TANC2: variants seen among roughly 807,000 people sequenced by gnomAD.
TANC2 encodes the protein protein TANC2.
In TANC2, 26 loss-of-function variants were observed where a neutral mutation model predicts 210.5. That is an observed-to-expected ratio of 0.12 (90% CI 0.09 to 0.17). The LOEUF (loss-of-function observed/expected upper bound fraction) is 0.17, where lower values mean the gene tolerates loss of function less well. TANC2 is among the 10% of genes least tolerant of loss of function. The probability of loss-of-function intolerance (pLI) is 1.00; values close to 1 mark genes in which losing one functional copy is unlikely to be tolerated. For synonymous variants in TANC2, 931 were observed against 967.1 expected (o/e 0.96, Z 0.69); for missense variants, 2,129 against 2,608.9 (o/e 0.82, Z 4.01).
chr17:63,002,820 C>A (rs1428665753), intron 1 of TANC2, among the ~76,000 whole-genome samples: 2 of 152,162 alleles, frequency 1.3e-5, no homozygotes, highest in African/African-American at 4.8e-5. Context: ...ATGAGTAGTT[C>A]ATTCCTTTTT....
intron 1 of TANC2, among the ~76,000 whole-genome samples, chr17:62,985,695 C>A (rs893467386): frequency 1.3e-5 from 2 of 151,994 alleles, no homozygotes; most frequent in Non-Finnish European, 2.9e-5. Context: ...AATTCTTCAT[C>A]CATAGAATTT....
intron 12 of TANC2, among the ~76,000 whole-genome samples, chr17:63,347,647 T>C (rs756204745): frequency 6.6e-6 from 1 of 152,170 alleles, no homozygotes; most frequent in Non-Finnish European, 1.5e-5. Flanking sequence ...GTTCCACAAG[T>C]ACAGTGATTA....
intron 11 of TANC2, among the ~76,000 whole-genome samples, chr17:63,337,762 T>TC (rs1202570584): frequency 5.9e-5 from 9 of 152,170 alleles, no homozygotes; most frequent in African/African-American, 1.9e-4. Context: ...ACTGATCCTC[T>TC]CCCTCCTCCC....
intron 5 of TANC2, among the ~76,000 whole-genome samples, chr17:63,184,024 A>C (rs2040887113): frequency 6.6e-6 from 1 of 152,228 alleles, no homozygotes; most frequent in African/African-American, 2.4e-5. Context: ...CAAAAAAAAA[A>C]AAAGAAATGC....
chr17:63,144,344 A>T (rs2039393677), intron 4 of TANC2, among the ~76,000 whole-genome samples: 1 of 152,164 alleles, frequency 6.6e-6, no homozygotes, highest in Non-Finnish European at 1.5e-5. Flanking sequence ...CCACATACTA[A>T]TTGATATTTG....
At chr17:63,255,103 ATT>A (rs869129866) in intron 8 of TANC2, among the ~76,000 whole-genome samples, 2 of 126,546 alleles carry the variant, frequency 1.6e-5, no homozygotes, top group Non-Finnish European at 3.4e-5. Flanking sequence ...TTATTTATTT[ATT>A]TTTATTTATT....
intron 5 of TANC2, among the ~76,000 whole-genome samples, chr17:63,158,127 G>T (rs796707437): frequency 1.6e-4 from 24 of 152,246 alleles, no homozygotes; most frequent in African/African-American, 5.5e-4. Flanking sequence ...TCATAGTGGT[G>T]TCTAGTTCAG....
At position 63,359,031 on chromosome 17, in the gene TANC2, A is replaced by ACT. The variant is rs143141506; in HGVS notation, c.2582+3642_2582+3643dup. ...GTAAGATTTTGCCAGAGATTAAAAG[A>ACT]CTACTGCGTTATTATGTGTGTATTT... On this transcript the variant is annotated intron_variant, in intron 14 of 27. Transcript: ENST00000689528. Among the ~76,000 whole-genome samples the ACT allele has an allele frequency of 8.1e-3, 1,226 of 150,924 alleles. 14 individuals carry two copies. The highest frequency in any genetic ancestry group is 0.027 in the African/African-American group (1,118 of 40,752).
chr17:63,374,277 A>G (rs2047361390), intron 14 of TANC2, among the ~76,000 whole-genome samples: 1 of 151,230 alleles, frequency 6.6e-6, no homozygotes, highest in African/African-American at 2.4e-5. Context: ...GACTCGAGCG[A>G]CCCTCCCACC....
At chr17:63,346,893 TGGG>T (rs543881846) in intron 12 of TANC2, among the ~76,000 whole-genome samples, 4 of 150,856 alleles carry the variant, frequency 2.7e-5, no homozygotes, top group African/African-American at 9.7e-5. Flanking sequence ...TTTTCAGAGA[TGGG>T]GGTCTTGCCA....
chr17:63,402,378 C>T (rs2048370270), intron 19 of TANC2, among the ~76,000 whole-genome samples: 2 of 152,214 alleles, frequency 1.3e-5, no homozygotes, highest in Admixed American at 1.3e-4. Flanking sequence ...TTTCCTTACT[C>T]AACCATGAGT....
At chr17:63,305,429 C>T (rs1224623423) in intron 9 of TANC2, 2 of 152,156 alleles carry the variant, frequency 1.3e-5, no homozygotes, top group African/African-American at 4.8e-5. Context: ...ACCTGGGTAC[C>T]TCGGTTGCCG....
chr17:63,021,325 T>C (rs2034339145), intron 2 of TANC2, among the ~76,000 whole-genome samples: 1 of 152,182 alleles, frequency 6.6e-6, no homozygotes, highest in Non-Finnish European at 1.5e-5. Context: ...TGGTCCCCGA[T>C]GTGGTAGTGT....
intron 4 of TANC2, among the ~76,000 whole-genome samples, chr17:63,136,482 T>C (rs778829897): frequency 6.6e-6 from 1 of 152,196 alleles, no homozygotes. Context: ...TCTATAAATA[T>C]CTACACAAAT....
intron 5 of TANC2, chr17:63,152,938 C>T (rs907714011): frequency 4.6e-5 from 7 of 152,058 alleles, no homozygotes; most frequent in Admixed American, 2.0e-4. Context: ...AACTAAAGCT[C>T]GGTTATGATT....
intron 9 of TANC2, among the ~76,000 whole-genome samples, chr17:63,304,538 G>T (rs2044833491): frequency 6.6e-6 from 1 of 152,188 alleles, no homozygotes; most frequent in Non-Finnish European, 1.5e-5. Context: ...GACAACCCCT[G>T]TTGGAGATTC....
At chr17:63,261,146 A>G (rs745933048) in intron 8 of TANC2, among the ~76,000 whole-genome samples, 1 of 152,118 alleles carries the variant, frequency 6.6e-6, no homozygotes, top group Non-Finnish European at 1.5e-5. Context: ...TCGGAGGCTG[A>G]GGCAGGAGTA....
At chr17:63,312,930 T>G (rs964872284) in intron 9 of TANC2, among the ~76,000 whole-genome samples, 3 of 152,200 alleles carry the variant, frequency 2.0e-5, no homozygotes, top group African/African-American at 4.8e-5. Flanking sequence ...TTTGGAAATT[T>G]TAGCCTTTTT....
chr17:63,054,399 G>A (rs1454483746), intron 2 of TANC2, among the ~76,000 whole-genome samples: 1 of 152,104 alleles, frequency 6.6e-6, no homozygotes, highest in Non-Finnish European at 1.5e-5. Flanking sequence ...TTGAGATGGA[G>A]TCTCGCTCTG....
Sources: allele counts gnomAD v4.1 joint callset (sites outside exome capture counted in the v4.1 genomes callset), GRCh38; gene constraint gnomAD v4.1.1; transcripts MANE v1.5; gene names NCBI Gene and HGNC (gene_info 2026-07-23, HGNC 2026-07-21).